Variants in ASAP1 observed in about 807,000 individuals in gnomAD.
The protein encoded by ASAP1 is ArfGAP with SH3 domain, ankyrin repeat and PH domain 1.
ASAP1 carries 43 observed loss-of-function variants against 145.2 expected under a neutral mutation model. The ratio of observed to expected loss-of-function variants is 0.30; its 90% confidence interval spans 0.23 to 0.38. The LOEUF is 0.38. Among genes scored for constraint, ASAP1 ranks in the 10% least tolerant of loss-of-function variants. The pLI is 1.00. For missense variants in ASAP1, 1,018 were observed against 1,355.3 expected (o/e 0.75, Z 3.91); for synonymous variants, 546 against 515.5 (o/e 1.06, Z -0.80).
intron 3 of ASAP1, among the ~76,000 whole-genome samples, chr8:130,241,324 T>C (rs2136716718): frequency 6.6e-6 from 1 of 152,250 alleles, no homozygotes; most frequent in Non-Finnish European, 1.5e-5. Flanking sequence ...TCCATAGTGT[T>C]ACCACATCCT....
intron 9 of ASAP1, among the ~76,000 whole-genome samples, chr8:130,175,185 T>TG (rs1456447043): frequency 1.3e-5 from 2 of 152,198 alleles, no homozygotes; most frequent in African/African-American, 4.8e-5. Flanking sequence ...CTAATGATGT[T>TG]GAGCACCTTT....
chr8:130,412,682 T>C (rs1191733931), intron 1 of ASAP1, among the ~76,000 whole-genome samples: 2 of 151,954 alleles, frequency 1.3e-5, no homozygotes, highest in Non-Finnish European at 2.9e-5. Context: ...AATGGAGTCT[T>C]GCTTTGTCAC....
intron 28 of ASAP1, among the ~76,000 whole-genome samples, chr8:130,058,924 G>A (rs535471339): frequency 1.3e-5 from 2 of 152,290 alleles, no homozygotes; most frequent in Non-Finnish European, 2.9e-5. Context: ...GACTGCGTGA[G>A]CAACTGAGAG....
chr8:130,255,430 T>G (rs1819451063), intron 3 of ASAP1, among the ~76,000 whole-genome samples: 1 of 152,216 alleles, frequency 6.6e-6, no homozygotes, highest in Non-Finnish European at 1.5e-5. Context: ...TTTTTTCACT[T>G]AATATTAAAC....
intron 27 of ASAP1, among the ~76,000 whole-genome samples, chr8:130,071,059 C>A (rs11781851): frequency 0.06 from 6,494 of 108,396 alleles, 263 homozygotes; most frequent in Middle Eastern, 0.14. Flanking sequence ...AGCAGAGTTT[C>A]CCCAAATCAT....
chr8:130,325,331 T>C (rs188377626), intron 3 of ASAP1, among the ~76,000 whole-genome samples: 112 of 152,336 alleles, frequency 7.4e-4, no homozygotes, highest in Non-Finnish European at 2.1e-4. Flanking sequence ...TACAGATTTC[T>C]AGCACTGAGG....
intron 12 of ASAP1, among the ~76,000 whole-genome samples, chr8:130,154,331 T>TA (rs1266719187): frequency 6.6e-6 from 1 of 152,064 alleles, no homozygotes; most frequent in Non-Finnish European, 1.5e-5. Context: ...TATTGAAGGA[T>TA]AAAAAAAGCC....
intron 3 of ASAP1, among the ~76,000 whole-genome samples, chr8:130,241,061 A>C (rs967650245): frequency 1.3e-5 from 2 of 152,136 alleles, no homozygotes; most frequent in Non-Finnish European, 2.9e-5. Flanking sequence ...TCCCTCAGTC[A>C]CAGCAGAGTG....
rs1420755550 is a variant in ASAP1, at chr8:130,093,371, G to GA, written c.2402-1229dup. ...GGCAAACTGCTTCTGTAAACGTTAAGAAAAAAAAGCTAGGACCAGGCACGG... is the reference window on the plus strand; with the variant it reads ...GGCAAACTGCTTCTGTAAACGTTAAGAAAAAAAAAGCTAGGACCAGGCACGG... On this transcript the variant is annotated intron_variant, in intron 24 of 29. Coordinates refer to ENST00000518721, the MANE Select transcript of ASAP1 (RefSeq NM_018482.4). 2.0e-5 allele frequency among the ~76,000 whole-genome samples: 3 copies of GA among 151,714 alleles called. No homozygotes were observed. In the East Asian group the frequency reaches 5.8e-4, roughly 29 times the overall value.
chr8:130,093,560 G>A (rs1234125789), intron 24 of ASAP1, among the ~76,000 whole-genome samples: 3 of 151,484 alleles, frequency 2.0e-5, no homozygotes, highest in Admixed American at 6.6e-5. Context: ...CCAGCTGCTC[G>A]GGAGGCTGAG....
At chr8:130,077,883 T>C (rs187439526) in intron 26 of ASAP1, among the ~76,000 whole-genome samples, 1 of 152,208 alleles carries the variant, frequency 6.6e-6, no homozygotes, top group Admixed American at 6.5e-5. Context: ...ACAGTAAACA[T>C]GAGAGGGCTT....
rs138263684 is a variant in ASAP1, at chr8:130,137,993, T to C, written c.1081-955A>G. ...TGGAGAAATAAGCAATGAAACTCTTTAATTGGACCTATATCCCTGTTTCGA... is the reference window on the plus strand; with the variant it reads ...TGGAGAAATAAGCAATGAAACTCTTCAATTGGACCTATATCCCTGTTTCGA... On this transcript the variant is annotated intron_variant, in intron 13 of 29. Transcript: ENST00000518721. 3.0e-3 allele frequency among the ~76,000 whole-genome samples: 460 copies of C among 152,322 alleles called. 1 individual carries two copies. Among genetic ancestry groups the C allele is most frequent in the African/African-American group, 0.011 (445 of 41,572 alleles).
At chr8:130,093,666 C>CAAAAAAAAAAAAAAAAAAAAA (rs71572317) in intron 24 of ASAP1, among the ~76,000 whole-genome samples, 4 of 52,202 alleles carry the variant, frequency 7.7e-5, no homozygotes, top group African/African-American at 2.9e-4. Context: ...GACTCCGTCT[C>CAAAAAAAAAAAAAAAAAAAAA]AAAAAAAAAA....
At chr8:130,182,831 C>CAAAAAAAAAAAAAAAAAAAAAAAAAGAA (rs35195899) in intron 7 of ASAP1, among the ~76,000 whole-genome samples, 1 of 73,596 alleles carries the variant, frequency 1.4e-5, no homozygotes. Flanking sequence ...TATAAAAAGG[C>CAAAAAAAAAAAAAAAAAAAAAAAAAGAA]AAAAAAAAAA....
rs751207067 is a variant in ASAP1 at position 130,160,861 on chromosome 8, T to C, written c.910-897A>G. 3.6e-4 allele frequency: 417 copies of C among 1,149,426 alleles called. 1 individual carries two copies. The Middle Eastern group carries it at 4.0e-3, about 11-fold the overall frequency. 71.2% of individuals were successfully genotyped at this position (1,149,426 alleles called of 1,614,324 possible). ...ACATTTGAAAATATAGTTAATTTCA[T>C]TGAAAATGTTATCCATAATTTAAGC... On this transcript the variant is annotated intron_variant, in intron 11 of 29. Coordinates refer to ENST00000518721, the MANE Select transcript of ASAP1 (RefSeq NM_018482.4).
chr8:130,278,074 A>G (rs1821025064), intron 3 of ASAP1, among the ~76,000 whole-genome samples: 1 of 152,026 alleles, frequency 6.6e-6, no homozygotes, highest in South Asian at 2.1e-4. Flanking sequence ...AAAACCAGAA[A>G]AAAAAAAAAA....
intron 13 of ASAP1, among the ~76,000 whole-genome samples, chr8:130,140,360 CTTTTTTTTTT>C (rs1044672106): frequency 6.7e-6 from 1 of 148,154 alleles, no homozygotes; most frequent in Non-Finnish European, 1.5e-5. Flanking sequence ...TTCTTTCTTT[CTTTTTTTTTT>C]AAAAAAAAAC....
chr8:130,151,524 G>C (rs1045782181), intron 13 of ASAP1, among the ~76,000 whole-genome samples: 1 of 151,954 alleles, frequency 6.6e-6, no homozygotes, highest in Admixed American at 6.6e-5. Context: ...CAACTGGCAT[G>C]ACAGCTAAAA....
chr8:130,301,974 C>T (rs1217580796), intron 3 of ASAP1, among the ~76,000 whole-genome samples: 1 of 152,154 alleles, frequency 6.6e-6, no homozygotes, highest in East Asian at 1.9e-4. Context: ...CAGGGGTGTC[C>T]CCAAAATCTA....
Sources: gnomAD v4.1 joint callset for allele counts (sites outside exome capture counted in the v4.1 genomes callset) on GRCh38, gnomAD v4.1.1 for gene constraint, MANE v1.5 for transcripts, NCBI Gene and HGNC (gene_info 2026-07-23, HGNC 2026-07-21) for gene names.